The following ARRB2 variants were observed in gnomAD, a reference collection of about 807,000 sequenced individuals.
ARRB2 encodes beta-arrestin-2.
Under a neutral mutation model 53.4 loss-of-function variants are expected in ARRB2, and 21 were observed. The observed-to-expected ratio is 0.39, with a 90% CI of 0.28 to 0.57. The LOEUF is 0.57. ARRB2 is among the 20% of genes least tolerant of loss of function. ARRB2 has a pLI of 0.55. For missense variants in ARRB2, 369 were observed against 527.5 expected (o/e 0.70, Z 2.94); for synonymous variants, 180 against 212.9 (o/e 0.85, Z 1.34).
chr17:4,716,272 G>A, intron 4 of ARRB2, 81 bp downstream of exon 4: 2 of 1,608,864 alleles, frequency 1.2e-6, no homozygotes, highest in Non-Finnish European at 1.7e-6. Flanking sequence ...GGGCGCCCCA[G>A]AGAGATGGAG....
intron 9 of ARRB2, 85 bp from the exon 10 acceptor site, chr17:4,718,527 G>A: frequency 3.5e-6 from 5 of 1,419,684 alleles, no homozygotes; most frequent in Non-Finnish European, 4.9e-6. Context: ...GGAGCATGGG[G>A]GGGCCACGCC....
Position 4,717,109 on chromosome 17 carries a change from C to A in ARRB2, c.358-108C>A. 7.9e-7 allele frequency: 1 copy of A among 1,271,672 alleles called. No individual in the cohort carries two copies. The highest frequency in any genetic ancestry group is 1.2e-5 in the South Asian group (1 of 82,984). The allele number at this position is 1,271,672 out of a possible 1,614,324, so 78.8% of individuals were successfully genotyped here. A position where few individuals can be genotyped will look rare whatever the true frequency, so the allele number is the denominator to read the frequency against. On this transcript the variant is annotated intron_variant, in intron 5 of 14. Transcript: ENST00000269260. This position sits in a 1 kb window ranked among gnomAD's most constrained non-coding sequence, Gnocchi z 6.0. Reference sequence around the variant, plus strand: ...TTAGCCTTCCAAAGTGTTGGGATTACAGGCATGAGCCACCACACCCAGCGT... The same window carrying A: ...TTAGCCTTCCAAAGTGTTGGGATTAAAGGCATGAGCCACCACACCCAGCGT...
rs34106482 is a variant in ARRB2, at chr17:4,720,354, TGTC to T, written c.1002-32_1002-30del. On this transcript the variant is annotated intron_variant, in intron 12 of 14. Coordinates refer to ENST00000269260, the MANE Select transcript of ARRB2 (RefSeq NM_004313.4). ...GTCACACTGGCTCTCTCTAGTCCCA[TGTC>T]GTCGTCCTCTTCACGATGCCTCTCC... is the stretch of plus-strand genomic sequence containing the variant. 1.4e-3 allele frequency: 2,233 copies of T among 1,613,742 alleles called. 31 individuals carry two copies. The African/African-American group carries it at 0.026, about 19-fold the overall frequency.
intron 5 of ARRB2, chr17:4,716,934 A>G: frequency 3.4e-6 from 2 of 592,184 alleles, no homozygotes; most frequent in Non-Finnish European, 6.0e-6. Context: ...TCCCAGGTTC[A>G]AGTGATTCTT....
chr17:4,720,331 C>T (rs1373047366), intron 12 of ARRB2, 32 bp downstream of exon 12: 2 of 1,613,668 alleles, frequency 1.2e-6, no homozygotes, highest in East Asian at 4.5e-5. Context: ...GGGTGGGGGT[C>T]ACACTGGCTC....
chr17:4,718,232 C>A (rs1915275082), intron 8 of ARRB2, 29 bp from the exon 9 acceptor site: 5 of 1,596,222 alleles, frequency 3.1e-6, no homozygotes, highest in Non-Finnish European at 4.3e-6. Context: ...AAACCAGTTC[C>A]AATTCACATG....
chr17:4,718,777 TC>T, intron 10 of ARRB2, 93 bp downstream of exon 10: 1 of 1,122,764 alleles, frequency 8.9e-7, no homozygotes, highest in Non-Finnish European at 1.2e-6. Context: ...CTGAGCCATC[TC>T]CACCTTTTTT....
At chr17:4,711,099 G>A (rs988879496) in intron 1 of ARRB2, among the ~76,000 whole-genome samples, 2 of 152,030 alleles carry the variant, frequency 1.3e-5, no homozygotes, top group African/African-American at 4.8e-5. Context: ...GCTGGATGCC[G>A]GGACGGGGGG....
chr17:4,716,749 T>C, intron 5 of ARRB2, 141 bp downstream of exon 5: 4 of 1,414,836 alleles, frequency 2.8e-6, no homozygotes, highest in Admixed American at 2.8e-5. Flanking sequence ...AGGGTCCCAG[T>C]GCATTCAGGA....
chr17:4,719,738 CA>C (rs1915500227), intron 11 of ARRB2, among the ~76,000 whole-genome samples: 1 of 152,082 alleles, frequency 6.6e-6, no homozygotes, highest in Admixed American at 6.5e-5. Flanking sequence ...AGAGAGAAAA[CA>C]AAGACTCAGA....
chr17:4,715,873 C>A, intron 2 of ARRB2, 100 bp from the exon 3 acceptor site: 3 of 1,360,018 alleles, frequency 2.2e-6, no homozygotes, highest in Non-Finnish European at 3.1e-6. Context: ...TTCCTGATAG[C>A]CCAGCCTGGA....
chr17:4,715,209 G>T (rs745848693), intron 2 of ARRB2, 166 bp downstream of exon 2: 1 of 803,512 alleles, frequency 1.2e-6, no homozygotes, highest in Non-Finnish European at 1.9e-6. Flanking sequence ...GCCCCTTGCC[G>T]CAGAGGCTGC....
chr17:4,717,330 G>C lies in ARRB2; in HGVS notation c.417+54G>C. ...TAGGGCAGGACATGGGCCAGCAGGA[G>C]CCTGGAGGCACAGCTGAGCCAGAGG... On this transcript the variant is annotated intron_variant, in intron 6 of 14. Transcript: ENST00000269260. This position sits in a 1 kb window ranked among gnomAD's most constrained non-coding sequence, Gnocchi z 6.0. 6.3e-7 allele frequency: 1 copy of C among 1,593,896 alleles called. No homozygotes were observed. The highest frequency in any genetic ancestry group is 8.6e-7 in the Non-Finnish European group (1 of 1,161,734).
chr17:4,718,108 G>A lies in ARRB2; in HGVS notation c.621+85G>A, dbSNP rs941133976. ...GAAGCCACACATCAAGAGGACATTT[G>A]TAAAGGAGGTTGCCTTGGCTGGGTG... On this transcript the variant is annotated intron_variant, in intron 8 of 14. Coordinates refer to ENST00000269260, the MANE Select transcript of ARRB2 (RefSeq NM_004313.4). The A allele has an allele frequency of 3.1e-6, 5 of 1,588,002 alleles. No homozygotes were observed. The African/African-American group carries it at 5.4e-5, about 17-fold the overall frequency.
chr17:4,713,920 C>T (rs946686406), intron 1 of ARRB2, among the ~76,000 whole-genome samples: 2 of 152,080 alleles, frequency 1.3e-5, no homozygotes, highest in African/African-American at 4.8e-5. Flanking sequence ...GCTGAGATCG[C>T]ACCACTGCAC....
In ARRB2 at chr17:4,714,999, TTC is replaced by T; in HGVS notation, c.24-12_24-11del. 6.3e-7 allele frequency: 1 copy of T among 1,596,832 alleles called. No homozygotes were observed. Among genetic ancestry groups the T allele is most frequent in the Non-Finnish European group, 8.5e-7 (1 of 1,171,234 alleles). On this transcript the variant is annotated splice_polypyrimidine_tract_variant and intron_variant, in intron 1 of 14. Coordinates refer to ENST00000269260, the MANE Select transcript of ARRB2 (RefSeq NM_004313.4). ...CTGAGGGAGGCAGTGGGGTTTCCCT[TTC>T]TGTTTTGTTAGGGTCTTCAAGAAGT...
intron 2 of ARRB2, chr17:4,715,709 ACACACACAC>A (rs1914944732): frequency 1.1e-5 from 5 of 453,752 alleles, no homozygotes; most frequent in African/African-American, 1.0e-4. Context: ...ACACACACAC[ACACACACAC>A]ACACACAAAC....
chr17:4,715,793 G>A, intron 2 of ARRB2, 180 bp from the exon 3 acceptor site: 1 of 655,134 alleles, frequency 1.5e-6, no homozygotes, highest in Non-Finnish European at 2.7e-6. Flanking sequence ...AAGCCTAAAG[G>A]TCCACTAGTC....
chr17:4,716,821 G>T, intron 5 of ARRB2: 1 of 852,840 alleles, frequency 1.2e-6, no homozygotes, highest in Non-Finnish European at 1.8e-6. Flanking sequence ...ATCCCCAGGA[G>T]TCCTTTCTCC....
Sources: allele counts gnomAD v4.1 joint callset (sites outside exome capture counted in the v4.1 genomes callset), GRCh38; gene constraint gnomAD v4.1.1; non-coding constraint Gnocchi (gnomAD v3.1); transcripts MANE v1.5; gene names NCBI Gene and HGNC (gene_info 2026-07-23, HGNC 2026-07-21).